The following GDPD5 variants were observed in gnomAD, a reference collection of about 807,000 sequenced individuals.
The protein encoded by GDPD5 is glycerophosphodiester phosphodiesterase domain containing 5, also known as glycerophosphodiester phosphodiesterase 2.
A neutral mutation model predicts 75.1 loss-of-function variants in GDPD5; 48 were observed. That is an observed-to-expected ratio of 0.64 (90% CI 0.51 to 0.81). The LOEUF (loss-of-function observed/expected upper bound fraction) is 0.81. Among genes scored for constraint, GDPD5 ranks in the 40% least tolerant of loss-of-function variants. The probability of loss-of-function intolerance (pLI) is 0.00; values close to 1 mark genes in which losing one functional copy is unlikely to be tolerated. For synonymous variants in GDPD5, 336 were observed against 339.0 expected (o/e 0.99, Z 0.10); for missense variants, 706 against 822.6 (o/e 0.86, Z 1.73).
Position 75,444,439 on chromosome 11 carries a change from G to T in GDPD5, c.771C>A (p.Tyr257Ter). The change falls in exon 10 of 17, where the codon TAC (tyrosine) becomes TAA (stop). Residue 257 changes from tyrosine to a stop codon, truncating the protein, a stop_gained. Transcript: ENST00000336898. LOFTEE classifies it high-confidence loss of function. ...SFRKALEQKL[Y>*]GLQADITISL... The stretch of plus-strand genomic sequence containing the variant: ...TGATGGTAATGTCAGCCTGGAGCCC[G>T]TACAGCTTCTGCTCGAGGGCCTTCC... 6.2e-7 allele frequency: 1 copy of T among 1,613,514 alleles called. No homozygotes were observed. Among genetic ancestry groups the T allele is most frequent in the South Asian group, 1.1e-5 (1 of 91,066 alleles).
In GDPD5 at chr11:75,485,061, A is replaced by G. The variant is rs1949996080; in HGVS notation, c.-61+5176T>C. ...AAAAAGCAATGGAGAGACCTTGAAAACATATTGCTAAGTGACAGAAGCCAA... is the reference window on the plus strand; with the variant it reads ...AAAAAGCAATGGAGAGACCTTGAAAGCATATTGCTAAGTGACAGAAGCCAA... On this transcript the variant is annotated intron_variant, in intron 2 of 16. Coordinates refer to ENST00000336898, the MANE Select transcript of GDPD5 (RefSeq NM_030792.8). 3.9e-5 allele frequency among the ~76,000 whole-genome samples: 6 copies of G among 152,368 alleles called. No homozygotes were observed. In the South Asian group the frequency reaches 1.2e-3, roughly 32 times the overall value.
intron 1 of GDPD5, among the ~76,000 whole-genome samples, chr11:75,509,190 G>A (rs1039793837): frequency 1.3e-5 from 2 of 152,190 alleles, no homozygotes; most frequent in Admixed American, 6.5e-5. Flanking sequence ...GGTGTGGGGG[G>A]TGTTCTTGAC....
chr11:75,449,907 T>G lies in GDPD5; in HGVS notation c.452A>C (p.Glu151Ala). ...AVAQLWEDEW[E>A]VLLISLQGTA... ...CACCTGCAGGGAGATCAGCAGCACCTCCCACTCGTCCTCCCACAGCTGGGC... is the reference window on the plus strand; with the variant it reads ...CACCTGCAGGGAGATCAGCAGCACCGCCCACTCGTCCTCCCACAGCTGGGC... Residue 151 changes from glutamate to alanine, a missense_variant, in exon 7 of 17, where the codon GAG becomes GCG. Glu to Ala is a moderately radical substitution (Grantham distance 107). Transcript: ENST00000336898. 3.7e-6 allele frequency: 6 copies of G among 1,613,576 alleles called. 1 individual carries two copies. In the South Asian group the frequency reaches 6.6e-5, roughly 18 times the overall value.
At chr11:75,481,496 G>A (rs1250363483) in intron 2 of GDPD5, among the ~76,000 whole-genome samples, 1 of 152,158 alleles carries the variant, frequency 6.6e-6, no homozygotes, top group East Asian at 1.9e-4. Context: ...GCAGCTGCTG[G>A]GGCTTCCCTG....
intron 1 of GDPD5, among the ~76,000 whole-genome samples, chr11:75,523,467 A>T (rs1028940562): frequency 6.6e-6 from 1 of 152,182 alleles, no homozygotes; most frequent in Non-Finnish European, 1.5e-5. Flanking sequence ...GGCCATTAAT[A>T]ACCTCCCCAG....
At chr11:75,467,909 T>C (rs1949557008) in intron 3 of GDPD5, among the ~76,000 whole-genome samples, 1 of 152,190 alleles carries the variant, frequency 6.6e-6, no homozygotes, top group African/African-American at 2.4e-5. Context: ...TCATGTCTTC[T>C]CTTCACCCTT....
chr11:75,478,458 C>CT (rs1949829642), intron 2 of GDPD5, among the ~76,000 whole-genome samples: 1 of 152,244 alleles, frequency 6.6e-6, no homozygotes, highest in East Asian at 1.9e-4. Flanking sequence ...ATGTCCTTTA[C>CT]TCAATGAGAC....
Position 75,442,567 on chromosome 11 carries a change from C to G in GDPD5, c.963G>C (p.Trp321Cys), listed in dbSNP as rs1948851907. Reference protein sequence around the residue: ...GQWFLKTDPFWTASSLSPSDH... With the variant: ...GQWFLKTDPFCTASSLSPSDH... Reference sequence around the variant, plus strand: ...CGGAGGGTGACAGGGAGCTGGCTGTCCAGAAGGGGTCAGTCTGGCAGGGAC... The same window carrying G: ...CGGAGGGTGACAGGGAGCTGGCTGTGCAGAAGGGGTCAGTCTGGCAGGGAC... The change falls in exon 12 of 17, where the codon TGG becomes TGC. Residue 321 changes from tryptophan to cysteine, a missense_variant. By Grantham distance (215) the Trp-to-Cys change is radical. Transcript: ENST00000336898. 1 of 1,613,958 alleles carries G rather than the reference C, an allele frequency of 6.2e-7. No homozygotes were observed. Among genetic ancestry groups the G allele is most frequent in the African/African-American group, 1.3e-5 (1 of 74,932 alleles).
chr11:75,436,045 G>A (rs914764738), intron 16 of GDPD5, among the ~76,000 whole-genome samples: 2 of 152,114 alleles, frequency 1.3e-5, no homozygotes, highest in East Asian at 3.9e-4. Context: ...GAACCTCATC[G>A]GAGCCCTGGG....
intron 1 of GDPD5, among the ~76,000 whole-genome samples, chr11:75,520,199 T>C (rs1375908694): frequency 6.6e-6 from 1 of 152,214 alleles, no homozygotes; most frequent in East Asian, 1.9e-4. Context: ...CATCACTCAC[T>C]GGACTCTTCC....
chr11:75,521,794 G>A (rs1005589864), intron 1 of GDPD5, among the ~76,000 whole-genome samples: 9 of 116,766 alleles, frequency 7.7e-5, no homozygotes, highest in Non-Finnish European at 2.0e-4. Flanking sequence ...GTTCTGATGG[G>A]AGGAACCACA....
intron 15 of GDPD5, among the ~76,000 whole-genome samples, chr11:75,439,616 C>G (rs960431340): frequency 2.6e-5 from 4 of 152,182 alleles, no homozygotes; most frequent in African/African-American, 9.7e-5. Flanking sequence ...GCAGGCCAGC[C>G]CGGTGAGGAG....
intron 2 of GDPD5, chr11:75,485,808 T>A (rs960468913): frequency 2.0e-5 from 3 of 152,174 alleles, no homozygotes; most frequent in Non-Finnish European, 2.9e-5. Context: ...ATAGGCAGAA[T>A]GAGTCTAGGA....
chr11:75,485,574 G>A (rs888329286), intron 2 of GDPD5: 1 of 149,772 alleles, frequency 6.7e-6, no homozygotes. Flanking sequence ...CACCCAAGAG[G>A]TTAGGTAATT....
intron 1 of GDPD5, chr11:75,517,488 A>C (rs1046803947): frequency 2.6e-5 from 4 of 152,058 alleles, no homozygotes; most frequent in Middle Eastern, 3.2e-3. Context: ...CCAAAAACAA[A>C]AAAACTGCAC....
At chr11:75,522,782 G>A (rs1403699127) in intron 1 of GDPD5, among the ~76,000 whole-genome samples, 1 of 152,076 alleles carries the variant, frequency 6.6e-6, no homozygotes, top group East Asian at 1.9e-4. Flanking sequence ...CAGCTGAGGG[G>A]AGTATTAATT....
chr11:75,495,284 CT>C (rs1565212631), intron 1 of GDPD5, among the ~76,000 whole-genome samples: 1 of 149,696 alleles, frequency 6.7e-6, no homozygotes, highest in African/African-American at 2.5e-5. Flanking sequence ...CACACACACA[CT>C]ATATATAAGT....
At chr11:75,479,190 C>T (rs1949849078) in intron 2 of GDPD5, 1 of 152,240 alleles carries the variant, frequency 6.6e-6, no homozygotes, top group Non-Finnish European at 1.5e-5. Flanking sequence ...CAGGTGTCAT[C>T]CAGTCCTCCA....
chr11:75,448,952 G>T, intron 9 of GDPD5, 25 bp downstream of exon 9: 1 of 1,542,896 alleles, frequency 6.5e-7, no homozygotes, highest in South Asian at 1.3e-5. Context: ...CAACGGGGCT[G>T]TTAGGACCCT....
Sources: gnomAD v4.1 joint callset for allele counts (sites outside exome capture counted in the v4.1 genomes callset) on GRCh38, gnomAD v4.1.1 for gene constraint, MANE v1.5 for transcripts, NCBI Gene and HGNC (gene_info 2026-07-23, HGNC 2026-07-21) for gene names.